The following PDSS2 variants were observed in gnomAD, a reference collection of about 807,000 sequenced individuals.
PDSS2 encodes the protein decaprenyl diphosphate synthase subunit 2.
A neutral mutation model predicts 44.5 loss-of-function variants in PDSS2; 31 were observed. The observed-to-expected ratio is 0.70, with a 90% CI of 0.52 to 0.94. PDSS2 has a LOEUF of 0.94. Among genes scored for constraint, PDSS2 ranks in the 40% least tolerant of loss-of-function variants. The pLI, the probability that PDSS2 is intolerant of heterozygous loss-of-function variation, is 0.00. For missense variants in PDSS2, 452 were observed against 482.2 expected, an observed-to-expected ratio of 0.94 and a Z score of 0.59; for synonymous variants, 157 against 180.3, an observed-to-expected ratio of 0.87 and a Z score of 1.03.
intron 4 of PDSS2, among the ~76,000 whole-genome samples, chr6:107,221,585 T>C (rs928587317): frequency 6.6e-6 from 1 of 152,106 alleles, no homozygotes; most frequent in Non-Finnish European, 1.5e-5. Flanking sequence ...ACCTTTTTGC[T>C]GAAGTAAGGC....
At position 107,154,797 on chromosome 6, in the gene PDSS2, T is replaced by A. The variant is rs1554245253; in HGVS notation, c.1042-20A>T. 1.2e-6 allele frequency: 2 copies of A among 1,612,924 alleles called. No homozygotes were observed. Among genetic ancestry groups the A allele is most frequent in the African/African-American group, 2.7e-5 (2 of 74,912 alleles). On this transcript the variant is annotated intron_variant, in intron 7 of 7. Transcript: ENST00000369037. ...TCGCAACTGTTAAGAAACAAATGCATGATAAAAGTCAGTTTTAAAGGTACA... is the reference window on the plus strand; with the variant it reads ...TCGCAACTGTTAAGAAACAAATGCAAGATAAAAGTCAGTTTTAAAGGTACA...
At chr6:107,440,224 T>G (rs1455054777) in intron 1 of PDSS2, among the ~76,000 whole-genome samples, 1 of 152,224 alleles carries the variant, frequency 6.6e-6, no homozygotes, top group Admixed American at 6.5e-5. Context: ...ATATTTATTC[T>G]GTATTTGGAT....
chr6:107,325,431 T>C (rs1777507425), intron 2 of PDSS2, among the ~76,000 whole-genome samples: 1 of 152,200 alleles, frequency 6.6e-6, no homozygotes, highest in Non-Finnish European at 1.5e-5. Context: ...ATCAATTGAA[T>C]ACACCGAGTA....
At chr6:107,361,719 G>A (rs891612984) in intron 1 of PDSS2, among the ~76,000 whole-genome samples, 4 of 152,178 alleles carry the variant, frequency 2.6e-5, no homozygotes, top group African/African-American at 9.7e-5. Flanking sequence ...GATGGAATGA[G>A]GTGGTTGACA....
chr6:107,237,194 A>G (rs1349387343), intron 4 of PDSS2, among the ~76,000 whole-genome samples: 4 of 151,976 alleles, frequency 2.6e-5, no homozygotes, highest in Non-Finnish European at 5.9e-5. Flanking sequence ...TGGTCTCCCA[A>G]ATTGCTAGGA....
At chr6:107,416,697 A>T (rs954869877) in intron 1 of PDSS2, among the ~76,000 whole-genome samples, 2 of 152,240 alleles carry the variant, frequency 1.3e-5, no homozygotes, top group African/African-American at 4.8e-5. Flanking sequence ...GAACAAATTA[A>T]TCTGGCACTT....
chr6:107,265,157 C>A (rs1344014346), intron 3 of PDSS2, among the ~76,000 whole-genome samples: 2 of 152,130 alleles, frequency 1.3e-5, no homozygotes, highest in African/African-American at 4.8e-5. Context: ...CTAAGTGTTA[C>A]CTAAGGCAAT....
In PDSS2 at chr6:107,363,893, C is replaced by G. The variant is rs948793184; in HGVS notation, c.297-29561G>C. The stretch of plus-strand genomic sequence containing the variant: ...GTCCCCACCAGAGCAGCTAGATACA[C>G]AGTGTCGATTGGTGCACTCACAAAC... On this transcript the variant is annotated intron_variant, in intron 1 of 7. Coordinates refer to ENST00000369037, the MANE Select transcript of PDSS2 (RefSeq NM_020381.4). Among the ~76,000 whole-genome samples, 6 of 151,976 alleles carry G rather than the reference C, an allele frequency of 3.9e-5. No homozygotes were observed. In the East Asian group the frequency reaches 7.7e-4, roughly 20 times the overall value.
chr6:107,280,188 T>G (rs897894367), intron 2 of PDSS2, among the ~76,000 whole-genome samples: 2 of 152,088 alleles, frequency 1.3e-5, no homozygotes, highest in Non-Finnish European at 2.9e-5. Context: ...GCCTCCCGAG[T>G]AGCTAGGATT....
intron 3 of PDSS2, among the ~76,000 whole-genome samples, chr6:107,265,975 A>G (rs1293295470): frequency 6.6e-6 from 1 of 152,024 alleles, no homozygotes; most frequent in African/African-American, 2.4e-5. Flanking sequence ...CAAAAAACTT[A>G]CTACACTACT....
chr6:107,230,812 A>G (rs140059747), intron 4 of PDSS2, among the ~76,000 whole-genome samples: 2 of 152,314 alleles, frequency 1.3e-5, no homozygotes, highest in East Asian at 3.9e-4. Flanking sequence ...GGCAAAGGGC[A>G]TGAATGTGTA....
intron 3 of PDSS2, among the ~76,000 whole-genome samples, chr6:107,263,022 T>A (rs960582953): frequency 7.9e-5 from 12 of 152,160 alleles, no homozygotes; most frequent in African/African-American, 2.9e-4. Context: ...CCTACCCTCA[T>A]CCTCTTATTA....
chr6:107,243,956 C>T (rs1774524259), intron 4 of PDSS2, among the ~76,000 whole-genome samples: 1 of 152,256 alleles, frequency 6.6e-6, no homozygotes, highest in South Asian at 2.1e-4. Context: ...TGGAGAAACC[C>T]TGTCTCTACT....
At chr6:107,305,161 T>C (rs1776816185) in intron 2 of PDSS2, among the ~76,000 whole-genome samples, 1 of 152,120 alleles carries the variant, frequency 6.6e-6, no homozygotes, top group Non-Finnish European at 1.5e-5. Context: ...TAAATTTTTT[T>C]CATCAGCAAA....
At chr6:107,329,563 T>G (rs1777649713) in intron 2 of PDSS2, among the ~76,000 whole-genome samples, 1 of 152,184 alleles carries the variant, frequency 6.6e-6, no homozygotes, top group Non-Finnish European at 1.5e-5. Flanking sequence ...CCAGTTATAT[T>G]GAGTTAGGGC....
At chr6:107,212,001 A>G in intron 5 of PDSS2, 108 bp downstream of exon 5, 1 of 918,158 alleles carries the variant, frequency 1.1e-6, no homozygotes, top group East Asian at 2.4e-5. Flanking sequence ...TGAACCACAC[A>G]ATAAGCATTT....
intron 1 of PDSS2, among the ~76,000 whole-genome samples, chr6:107,420,952 A>G (rs1780805638): frequency 6.6e-6 from 1 of 152,220 alleles, no homozygotes; most frequent in African/African-American, 2.4e-5. Flanking sequence ...TTATATCCAA[A>G]GGACTTCTAT....
At chr6:107,212,648 A>G (rs1413827394) in intron 4 of PDSS2, among the ~76,000 whole-genome samples, 3 of 152,174 alleles carry the variant, frequency 2.0e-5, no homozygotes, top group Admixed American at 6.5e-5. Context: ...AGCCTATTGC[A>G]TTTAATTTAT....
At chr6:107,400,051 C>T (rs1192524375) in intron 1 of PDSS2, among the ~76,000 whole-genome samples, 1 of 152,000 alleles carries the variant, frequency 6.6e-6, no homozygotes. Context: ...GATGTGAATT[C>T]CCAGTATGTG....
Sources: allele counts gnomAD v4.1 joint callset (sites outside exome capture counted in the v4.1 genomes callset), GRCh38; gene constraint gnomAD v4.1.1; transcripts MANE v1.5; gene names NCBI Gene and HGNC (gene_info 2026-07-23, HGNC 2026-07-21).